The following INO80 variants were observed in gnomAD, a reference collection of about 807,000 sequenced individuals.
INO80 encodes the protein INO80 complex ATPase subunit, also known as chromatin-remodeling ATPase INO80.
In INO80, 20 loss-of-function variants were observed where a neutral mutation model predicts 203.4. That is an observed-to-expected ratio of 0.10 (90% CI 0.07 to 0.14). INO80 has a LOEUF of 0.14. Among genes scored for constraint, INO80 ranks in the 10% least tolerant of loss-of-function variants. The pLI is 1.00. For synonymous variants in INO80, 726 were observed against 685.2 expected (o/e 1.06, Z -0.93); for missense variants, 1,419 against 1,914.4 (o/e 0.74, Z 4.83).
intron 9 of INO80, among the ~76,000 whole-genome samples, chr15:41,077,218 ATTT>A (rs112772265): frequency 4.8e-5 from 7 of 144,662 alleles, no homozygotes; most frequent in African/African-American, 9.9e-5. Context: ...TGTTTGCTTT[ATTT>A]TTTTTTTTTT....
chr15:41,033,903 T>C (rs2044530086), intron 24 of INO80, among the ~76,000 whole-genome samples: 1 of 149,390 alleles, frequency 6.7e-6, no homozygotes, highest in South Asian at 2.2e-4. Context: ...AAAAAAAAAA[T>C]ACAAAAAAAT....
At chr15:41,059,957 T>C (rs773298413) in intron 14 of INO80, 31 bp from the exon 15 acceptor site, 11 of 1,359,362 alleles carry the variant, frequency 8.1e-6, no homozygotes, top group Non-Finnish European at 1.1e-5. Context: ...TACATTACTT[T>C]CTATAGATGA....
chr15:41,011,953 T>C (rs1343653294), intron 27 of INO80, among the ~76,000 whole-genome samples: 1 of 152,244 alleles, frequency 6.6e-6, no homozygotes, highest in Non-Finnish European at 1.5e-5. Context: ...GATTTCAGTA[T>C]TTAACAATTA....
intron 26 of INO80, among the ~76,000 whole-genome samples, chr15:41,020,524 T>C (rs539352645): frequency 6.6e-6 from 1 of 152,342 alleles, no homozygotes; most frequent in South Asian, 2.1e-4. Flanking sequence ...ACACTGTTTA[T>C]GCTATTTAAA....
chr15:41,008,014 A>G (rs2044075770), intron 27 of INO80, among the ~76,000 whole-genome samples: 1 of 152,146 alleles, frequency 6.6e-6, no homozygotes, highest in Non-Finnish European at 1.5e-5. Context: ...TCTCTACTGA[A>G]AATACAAAAA....
chr15:40,983,570 A>C (rs1175161659), intron 34 of INO80, among the ~76,000 whole-genome samples, 192 bp downstream of exon 34: 2 of 152,218 alleles, frequency 1.3e-5, no homozygotes, highest in African/African-American at 4.8e-5. Context: ...GTCGGGGATG[A>C]CTAGAAAAGT....
chr15:41,069,720 C>A lies in INO80; in HGVS notation c.1687-55G>T, dbSNP rs538040938. The A allele has an allele frequency of 2.2e-5, 21 of 968,454 alleles. No homozygotes were observed. In the African/African-American group the frequency reaches 2.8e-4, roughly 13 times the overall value. The allele number at this position is 968,454 out of a possible 1,614,324, so 60.0% of individuals were successfully genotyped here. On this transcript the variant is annotated intron_variant, in intron 13 of 35. Coordinates refer to ENST00000648947, the MANE Select transcript of INO80 (RefSeq NM_017553.3). ...ACAGGAAAAGGGAAGGTATTTAATT[C>A]AAAATTATAATTAATGACAAGAACA...
chr15:41,009,954 G>C (rs564718804), intron 27 of INO80, among the ~76,000 whole-genome samples: 8 of 152,002 alleles, frequency 5.3e-5, no homozygotes, highest in Admixed American at 3.3e-4. Context: ...ATTCTTACAC[G>C]GAACCCCTCT....
intron 29 of INO80, among the ~76,000 whole-genome samples, chr15:40,991,097 G>T (rs2043811746): frequency 6.6e-6 from 1 of 152,120 alleles, no homozygotes; most frequent in African/African-American, 2.4e-5. Context: ...TTTCCTAGAA[G>T]ACCCAGTGGC....
intron 24 of INO80, among the ~76,000 whole-genome samples, chr15:41,042,774 G>A (rs1256179770): frequency 1.3e-5 from 2 of 152,140 alleles, no homozygotes; most frequent in Non-Finnish European, 2.9e-5. Flanking sequence ...ACGCCCGGCT[G>A]ACAGTCTTAT....
chr15:40,998,652 GTT>G (rs2043914211), intron 28 of INO80, among the ~76,000 whole-genome samples: 1 of 150,992 alleles, frequency 6.6e-6, no homozygotes, highest in South Asian at 2.1e-4. Flanking sequence ...CAAAGGACAA[GTT>G]TTGTTTTTTT....
chr15:41,000,727 A>AG (rs1566905560), intron 28 of INO80, among the ~76,000 whole-genome samples: 2 of 150,218 alleles, frequency 1.3e-5, no homozygotes, highest in East Asian at 2.0e-4. Flanking sequence ...AAAAAAAAAA[A>AG]AAAGAAAGAA....
intron 7 of INO80, among the ~76,000 whole-genome samples, 192 bp downstream of exon 7, chr15:41,085,177 T>C (rs890095287): frequency 2.0e-5 from 3 of 152,260 alleles, no homozygotes; most frequent in Admixed American, 1.3e-4. Context: ...CTAATTGTCT[T>C]GTGAATTCTG....
chr15:41,025,163 G>C (rs1362046840), intron 25 of INO80, among the ~76,000 whole-genome samples: 1 of 152,108 alleles, frequency 6.6e-6, no homozygotes, highest in Admixed American at 6.5e-5. Context: ...ACAGCAATTA[G>C]AGTTTTCCTC....
chr15:41,046,206 C>CATACATACATATATAT (rs1268610100), intron 23 of INO80, among the ~76,000 whole-genome samples: 1 of 14,422 alleles, frequency 6.9e-5, no homozygotes, highest in African/African-American at 2.3e-4. Context: ...CGTATACATA[C>CATACATACATATATAT]ATATATATAT....
intron 14 of INO80, among the ~76,000 whole-genome samples, chr15:41,060,528 T>C (rs889530234): frequency 4.7e-5 from 7 of 150,056 alleles, no homozygotes; most frequent in African/African-American, 1.5e-4. Context: ...CACTCCAGCC[T>C]GGGGGACAAG....
rs1183427207 is a variant in INO80 at position 41,048,246 on chromosome 15, T to C, written c.2607A>G (p.Pro869=). 1.9e-6 allele frequency: 3 copies of C among 1,613,412 alleles called. No individual in the cohort carries two copies. The highest frequency in any genetic ancestry group is 2.2e-5 in the East Asian group (1 of 44,822). Residue 869 remains proline, a synonymous_variant, in exon 22 of 36, where the codon CCA becomes CCG. Coordinates refer to ENST00000648947, the MANE Select transcript of INO80 (RefSeq NM_017553.3). ...GAAAGAGAGACCGTTGGATATAGTC[T>C]GGTGCAAATGGAGAAAGAACCCTTA... The part of the protein sequence containing the change: ...RWLRVLSPFA[P]DYIQRSLFHR...
chr15:41,102,673 GA>G (rs145418853), intron 1 of INO80, among the ~76,000 whole-genome samples: 38 of 148,572 alleles, frequency 2.6e-4, no homozygotes, highest in East Asian at 2.6e-3. Flanking sequence ...TGTCTCAAAG[GA>G]AAAAAAAAGG....
Position 41,095,584 on chromosome 15 carries a change from C to A in INO80, c.381+17G>T. ...AGTAGACTATCTGCACTGTAAACAC[C>A]CTGCTTTATCTCTTACCTTTAGCCA... On this transcript the variant is annotated intron_variant, in intron 4 of 35. Transcript: ENST00000648947. 2 of 1,583,350 alleles carry A rather than the reference C, an allele frequency of 1.3e-6. No homozygotes were observed. The highest frequency in any genetic ancestry group is 1.7e-6 in the Non-Finnish European group (2 of 1,153,374).
Sources: allele counts gnomAD v4.1 joint callset (sites outside exome capture counted in the v4.1 genomes callset), GRCh38; gene constraint gnomAD v4.1.1; transcripts MANE v1.5; gene names NCBI Gene and HGNC (gene_info 2026-07-23, HGNC 2026-07-21).